XPO6: variants seen among roughly 807,000 people sequenced by gnomAD.
The protein encoded by XPO6 is exportin-6.
Under a neutral mutation model 130.0 loss-of-function variants are expected in XPO6, and 3 were observed. The ratio of observed to expected loss-of-function variants is 0.02; its 90% CI spans 0.01 to 0.06. The LOEUF is 0.06. Ranked by LOEUF, XPO6 falls within the 10% of genes least tolerant of loss-of-function variation. XPO6 has a pLI of 1.00. For synonymous variants in XPO6, 524 were observed against 548.9 expected, an observed-to-expected ratio of 0.95 and a Z score of 0.63; for missense variants, 970 against 1,393.0, an observed-to-expected ratio of 0.70 and a Z score of 4.83.
intron 1 of XPO6, among the ~76,000 whole-genome samples, chr16:28,187,274 C>A (rs957347632): frequency 6.6e-5 from 10 of 152,164 alleles, no homozygotes; most frequent in Non-Finnish European, 8.8e-5. Context: ...TATAGTTTAA[C>A]CTTCATGAAT....
At position 28,176,110 on chromosome 16, in the gene XPO6, T is replaced by C. The variant is rs1361501268; in HGVS notation, c.208-15A>G. The C allele has an allele frequency of 4.3e-6, 7 of 1,613,562 alleles. No individual in the cohort carries two copies. In the South Asian group the frequency reaches 4.4e-5, roughly 10 times the overall value. On this transcript the variant is annotated splice_polypyrimidine_tract_variant and intron_variant, in intron 3 of 23. Transcript: ENST00000304658. ...TTGATCAGATTCTGAAAAACAAATA[T>C]ACATCTTTTAAGTTAACAACCTATA...
intron 6 of XPO6, among the ~76,000 whole-genome samples, chr16:28,157,567 G>A (rs111254853): frequency 4.0e-4 from 61 of 152,220 alleles, no homozygotes; most frequent in African/African-American, 1.3e-3. Context: ...TTCTAACATC[G>A]AAAAGGACTA....
At chr16:28,174,544 T>C (rs542294326) in intron 4 of XPO6, among the ~76,000 whole-genome samples, 2 of 152,204 alleles carry the variant, frequency 1.3e-5, no homozygotes, top group Non-Finnish European at 2.9e-5. Context: ...AATAGTTTAC[T>C]TGAATAAAGG....
intron 6 of XPO6, among the ~76,000 whole-genome samples, chr16:28,160,356 T>G (rs1233058884): frequency 2.0e-5 from 3 of 151,320 alleles, no homozygotes; most frequent in African/African-American, 7.3e-5. Flanking sequence ...ATACAAAACT[T>G]AGCCGGGCAT....
chr16:28,165,723 T>C (rs1373050982), intron 6 of XPO6, among the ~76,000 whole-genome samples: 2 of 152,202 alleles, frequency 1.3e-5, no homozygotes, highest in African/African-American at 4.8e-5. Flanking sequence ...GTGGAAATAT[T>C]TCTCATTAGC....
intron 9 of XPO6, among the ~76,000 whole-genome samples, chr16:28,139,667 C>T (rs1253959337): frequency 2.0e-5 from 3 of 152,070 alleles, no homozygotes; most frequent in African/African-American, 7.3e-5. Context: ...GGTAAGGTTT[C>T]CATACCACCC....
At chr16:28,151,387 C>T (rs993459108) in intron 8 of XPO6, among the ~76,000 whole-genome samples, 7 of 152,132 alleles carry the variant, frequency 4.6e-5, no homozygotes, top group East Asian at 1.9e-4. Context: ...AACAGCACAA[C>T]GAAAATCAAC....
In XPO6 at chr16:28,101,261, C is replaced by CA. The variant is rs1258344380; in HGVS notation, c.3276+196dup. Reference sequence around the variant, plus strand: ...CTAAGAACATACGTGCTACAGACACCAAGACTGGGGAAAAGGCTGTGCCCC... The same window carrying CA: ...CTAAGAACATACGTGCTACAGACACCAAAGACTGGGGAAAAGGCTGTGCCCC... On this transcript the variant is annotated intron_variant, in intron 23 of 23. Coordinates refer to ENST00000304658, the MANE Select transcript of XPO6 (RefSeq NM_015171.4). The surrounding 1 kb of genome is among the most constrained non-coding windows in gnomAD (Gnocchi z 5.4). 1.5e-6 allele frequency: 1 copy of CA among 669,574 alleles called. No individual in the cohort carries two copies. Among genetic ancestry groups the CA allele is most frequent in the Admixed American group, 2.1e-5 (1 of 47,372 alleles). 41.5% of individuals were successfully genotyped at this position (669,574 alleles called of 1,614,324 possible). A position where few individuals can be genotyped will look rare whatever the true frequency, so the allele number is the denominator to read the frequency against.
intron 7 of XPO6, chr16:28,155,818 G>A (rs919990383): frequency 6.8e-5 from 57 of 843,690 alleles, no homozygotes; most frequent in Non-Finnish European, 9.0e-5. Context: ...GTAGAAGGGA[G>A]GACAGGAGAT....
At position 28,110,047 on chromosome 16, in the gene XPO6, T is replaced by C. The variant is rs1039577371; in HGVS notation, c.2341+1770A>G. Among the ~76,000 whole-genome samples the C allele has an allele frequency of 3.0e-5, 4 of 133,622 alleles. No homozygotes were observed. The East Asian group carries it at 1.1e-3, about 38-fold the overall frequency. The allele number at this position is 133,622 out of a possible 152,430, so 87.7% of individuals were successfully genotyped here. A position where few individuals can be genotyped will look rare whatever the true frequency, so the allele number is the denominator to read the frequency against. On this transcript the variant is annotated intron_variant, in intron 17 of 23. Coordinates refer to ENST00000304658, the MANE Select transcript of XPO6 (RefSeq NM_015171.4). ...CTTTGGCTAGTCTGTAGGTTTGGAA[T>C]TTTTTTTTTTCAAAGTATAAAGTTG...
chr16:28,111,734 C>T (rs2086926603), intron 17 of XPO6, 83 bp downstream of exon 17: 1 of 1,506,846 alleles, frequency 6.6e-7, no homozygotes, highest in Non-Finnish European at 9.0e-7. Context: ...ACCTCAGGAG[C>T]CTCCGGGGCA....
chr16:28,128,050 C>A (rs2042595625), intron 12 of XPO6, among the ~76,000 whole-genome samples: 1 of 152,208 alleles, frequency 6.6e-6, no homozygotes, highest in African/African-American at 2.4e-5. Context: ...GAGGGATTTT[C>A]ATCACACTGG....
intron 1 of XPO6, among the ~76,000 whole-genome samples, chr16:28,182,711 T>C (rs535165661): frequency 6.6e-6 from 1 of 152,206 alleles, no homozygotes; most frequent in African/African-American, 2.4e-5. Flanking sequence ...AAAGTGAAGC[T>C]AAAATAAGAC....
At position 28,181,011 on chromosome 16, in the gene XPO6, G is replaced by A. The variant is rs761588868; in HGVS notation, c.24C>T (p.Leu8=). The A allele has an allele frequency of 1.9e-6, 3 of 1,612,698 alleles. No homozygotes were observed. The African/African-American group carries it at 4.0e-5, about 22-fold the overall frequency. The change falls in exon 2 of 24, where the codon CTC becomes CTT. Residue 8 remains leucine, a synonymous_variant. Coordinates refer to ENST00000304658, the MANE Select transcript of XPO6 (RefSeq NM_015171.4). MASEEAS[L]RALESLMTEF... ...CTGTCATCAGACTTTCCAATGCCCT[G>A]AGAGAGGCTTCTTCAGATGCCTAAC... is the stretch of plus-strand genomic sequence containing the variant.
In XPO6 at chr16:28,105,863, C is replaced by A; in HGVS notation, c.2784+180G>T. 3 of 892,662 alleles carry A rather than the reference C, an allele frequency of 3.4e-6. No individual in the cohort carries two copies. In the East Asian group the frequency reaches 7.7e-5, roughly 23 times the overall value. 55.3% of individuals were successfully genotyped at this position (892,662 alleles called of 1,614,324 possible). A position where few individuals can be genotyped will look rare whatever the true frequency, so the allele number is the denominator to read the frequency against. On this transcript the variant is annotated intron_variant, in intron 20 of 23. Transcript: ENST00000304658. ...TACACTAGACTAGCTCCAATGAACT[C>A]AATCAATATAAAAACACTGTACCAC... is the stretch of plus-strand genomic sequence containing the variant.
At position 28,101,766 on chromosome 16, in the gene XPO6, T is replaced by A; in HGVS notation, c.3046-78A>T. 1 of 1,583,712 alleles carries A rather than the reference T, an allele frequency of 6.3e-7. No homozygotes were observed. The highest frequency in any genetic ancestry group is 8.6e-7 in the Non-Finnish European group (1 of 1,159,500). ...GGGTCCCATCCACTTTCTGTCACAC[T>A]CTCCAGTGAGTAACCTGAGGGTGGG... On this transcript the variant is annotated intron_variant, in intron 22 of 23. Coordinates refer to ENST00000304658, the MANE Select transcript of XPO6 (RefSeq NM_015171.4). The surrounding 1 kb of genome is among the most constrained non-coding windows in gnomAD (Gnocchi z 5.4).
Position 28,104,534 on chromosome 16 carries a change from C to T in XPO6, c.2946+12G>A. ...AGGAAGTCACCTGGCAGCAACCCCG[C>T]CCCCACGTTACCTGCATGATGGCAC... is the stretch of plus-strand genomic sequence containing the variant. On this transcript the variant is annotated intron_variant, in intron 21 of 23. Transcript: ENST00000304658. The T allele has an allele frequency of 1.2e-6, 2 of 1,613,844 alleles. No individual in the cohort carries two copies. The highest frequency in any genetic ancestry group is 1.7e-6 in the Non-Finnish European group (2 of 1,179,822).
intron 13 of XPO6, among the ~76,000 whole-genome samples, chr16:28,123,121 T>C (rs1159217541): frequency 7.9e-5 from 12 of 152,096 alleles, no homozygotes; most frequent in Non-Finnish European, 1.2e-4. Context: ...CCTCTTTTTT[T>C]TGAGAAAGCG....
At chr16:28,163,599 G>T (rs985904214) in intron 6 of XPO6, among the ~76,000 whole-genome samples, 1 of 152,170 alleles carries the variant, frequency 6.6e-6, no homozygotes, top group East Asian at 1.9e-4. Flanking sequence ...TCAGCAGGCG[G>T]GGGGGCAATG....
Sources: allele counts gnomAD v4.1 joint callset (sites outside exome capture counted in the v4.1 genomes callset), GRCh38; gene constraint gnomAD v4.1.1; non-coding constraint Gnocchi (gnomAD v3.1); transcripts MANE v1.5; gene names NCBI Gene and HGNC (gene_info 2026-07-23, HGNC 2026-07-21).